Variants in TBC1D5 observed in about 807,000 individuals in gnomAD.
TBC1D5 encodes the protein TBC1 domain family member 5.
In TBC1D5, 75 loss-of-function variants were observed where a neutral mutation model predicts 100.3. The ratio of observed to expected loss-of-function variants is 0.75; its 90% confidence interval spans 0.62 to 0.91. The LOEUF (loss-of-function observed/expected upper bound fraction) is 0.91. TBC1D5 is among the 40% of genes least tolerant of loss of function. TBC1D5 has a pLI of 0.00. For missense variants in TBC1D5, 910 were observed against 942.4 expected (o/e 0.97, Z 0.45); for synonymous variants, 323 against 325.6 (o/e 0.99, Z 0.09).
chr3:17,354,432 C>A (rs926313570), intron 13 of TBC1D5, among the ~76,000 whole-genome samples: 42 of 152,062 alleles, frequency 2.8e-4, no homozygotes, highest in African/African-American at 8.7e-4. Flanking sequence ...ATATAAGTAA[C>A]CACAGGAGAA....
chr3:17,461,882 A>T (rs746701854), intron 3 of TBC1D5, among the ~76,000 whole-genome samples: 16 of 152,046 alleles, frequency 1.1e-4, no homozygotes, highest in East Asian at 1.9e-4. Context: ...TGCTTTATTG[A>T]TTCTGTCTTT....
chr3:17,582,381 T>C (rs1232045914), intron 2 of TBC1D5, among the ~76,000 whole-genome samples: 2 of 152,132 alleles, frequency 1.3e-5, no homozygotes, highest in East Asian at 1.9e-4. Context: ...GAAAATAAAA[T>C]AGAAAATTTT....
At chr3:17,596,379 C>T (rs963276373) in intron 2 of TBC1D5, among the ~76,000 whole-genome samples, 7 of 147,106 alleles carry the variant, frequency 4.8e-5, no homozygotes, top group South Asian at 2.2e-4. Context: ...AGTGCAGTCG[C>T]GCAATTTGGG....
chr3:17,569,190 G>C (rs575421317), intron 2 of TBC1D5, among the ~76,000 whole-genome samples: 1 of 151,844 alleles, frequency 6.6e-6, no homozygotes, highest in South Asian at 2.1e-4. Flanking sequence ...ATCACTGAAA[G>C]ATAAAAACCC....
chr3:17,210,561 T>G (rs1382516744), intron 18 of TBC1D5, among the ~76,000 whole-genome samples: 1 of 152,176 alleles, frequency 6.6e-6, no homozygotes, highest in Non-Finnish European at 1.5e-5. Context: ...TGTAGCTATT[T>G]TAATTCCTCA....
At chr3:17,254,417 T>C (rs2077446357) in intron 16 of TBC1D5, among the ~76,000 whole-genome samples, 1 of 152,212 alleles carries the variant, frequency 6.6e-6, no homozygotes, top group African/African-American at 2.4e-5. Flanking sequence ...TTATAGTTGG[T>C]ATGAAATGTT....
chr3:17,496,743 T>C (rs1191316044), intron 3 of TBC1D5, among the ~76,000 whole-genome samples: 1 of 152,180 alleles, frequency 6.6e-6, no homozygotes, highest in Non-Finnish European at 1.5e-5. Flanking sequence ...AGGCATTACT[T>C]GTTAAATGCC....
intron 4 of TBC1D5, among the ~76,000 whole-genome samples, chr3:17,413,438 G>A (rs2093988000): frequency 6.6e-6 from 1 of 152,088 alleles, no homozygotes; most frequent in Non-Finnish European, 1.5e-5. Context: ...TCCTGCAATG[G>A]CTATTTTGAC....
intron 2 of TBC1D5, among the ~76,000 whole-genome samples, chr3:17,591,497 G>A (rs1560228981): frequency 6.6e-6 from 1 of 152,034 alleles, no homozygotes; most frequent in Non-Finnish European, 1.5e-5. Flanking sequence ...ACATTTCGGG[G>A]GACTACTGGA....
chr3:17,601,227 T>C (rs1343161766), intron 2 of TBC1D5, among the ~76,000 whole-genome samples: 1 of 152,212 alleles, frequency 6.6e-6, no homozygotes, highest in East Asian at 1.9e-4. Flanking sequence ...ACTACCAATA[T>C]GGGCCGGGTG....
rs141518639 is a variant in TBC1D5, at chr3:17,191,220, T to G, written c.1753-6012A>C. On this transcript the variant is annotated intron_variant, in intron 18 of 21. Coordinates refer to ENST00000253692, the Ensembl canonical transcript of TBC1D5. ...TATATACTAGGCTTGACACTTACCT[T>G]CTCTGTGATTCTGACCAGATAGCAA... is the stretch of plus-strand genomic sequence containing the variant. 2.0e-5 allele frequency among the ~76,000 whole-genome samples: 3 copies of G among 152,334 alleles called. No individual in the cohort carries two copies. In the East Asian group the frequency reaches 5.8e-4, roughly 29 times the overall value.
intron 2 of TBC1D5, among the ~76,000 whole-genome samples, chr3:17,529,896 T>C (rs961375173): frequency 6.6e-6 from 1 of 152,176 alleles, no homozygotes; most frequent in African/African-American, 2.4e-5. Flanking sequence ...ATGTCTCAGA[T>C]AACGGGTTAA....
intron 1 of TBC1D5, among the ~76,000 whole-genome samples, chr3:17,728,892 T>G (rs1347811591): frequency 6.6e-6 from 1 of 151,092 alleles, no homozygotes; most frequent in East Asian, 1.9e-4. Flanking sequence ...TACATAAAAA[T>G]GTAATAGTTC....
intron 3 of TBC1D5, among the ~76,000 whole-genome samples, chr3:17,438,338 C>T (rs2094574810): frequency 6.6e-6 from 1 of 152,154 alleles, no homozygotes; most frequent in Admixed American, 6.5e-5. Context: ...TATGGTTTGG[C>T]TGTTTCCCTA....
chr3:17,668,137 A>C (rs980190343), intron 1 of TBC1D5, among the ~76,000 whole-genome samples: 8 of 148,574 alleles, frequency 5.4e-5, no homozygotes, highest in African/African-American at 2.0e-4. Flanking sequence ...ATATATATAA[A>C]GGCATTTCAC....
intron 3 of TBC1D5, among the ~76,000 whole-genome samples, chr3:17,453,158 C>A (rs972304930): frequency 5.4e-5 from 8 of 148,244 alleles, no homozygotes; most frequent in Admixed American, 1.3e-4. Flanking sequence ...TGGGATACAG[C>A]AAAAGCAGTA....
intron 1 of TBC1D5, among the ~76,000 whole-genome samples, chr3:17,659,600 A>G (rs1042989394): frequency 6.6e-6 from 1 of 152,172 alleles, no homozygotes; most frequent in African/African-American, 2.4e-5. Context: ...ACTTTGACAT[A>G]TGAACAGCTA....
chr3:17,583,388 C>CAA (rs746289820), intron 2 of TBC1D5, among the ~76,000 whole-genome samples: 2 of 144,126 alleles, frequency 1.4e-5, no homozygotes, highest in African/African-American at 2.5e-5. Context: ...TCCTGATAAT[C>CAA]AAAAAAAAAA....
chr3:17,322,412 T>C (rs1164980951), intron 13 of TBC1D5, among the ~76,000 whole-genome samples: 1 of 152,212 alleles, frequency 6.6e-6, no homozygotes, highest in Non-Finnish European at 1.5e-5. Flanking sequence ...TGGGTATATC[T>C]CTACTGCTCT....
Sources: gnomAD v4.1 joint callset for allele counts (sites outside exome capture counted in the v4.1 genomes callset) on GRCh38, gnomAD v4.1.1 for gene constraint, MANE v1.5 for transcripts, NCBI Gene and HGNC (gene_info 2026-07-23, HGNC 2026-07-21) for gene names.